Variants in NTRK3 observed in about 807,000 individuals in gnomAD.
NTRK3 encodes neurotrophic receptor tyrosine kinase 3.
NTRK3 carries 24 observed loss-of-function variants against 91.7 expected under a neutral mutation model. The observed-to-expected ratio is 0.26, with a 90% CI of 0.19 to 0.37. The LOEUF (loss-of-function observed/expected upper bound fraction) is 0.37. NTRK3 is among the 10% of genes least tolerant of loss of function. The pLI is 1.00. For missense variants in NTRK3, 880 were observed against 1,068.9 expected (o/e 0.82, Z 2.46); for synonymous variants, 483 against 404.0 (o/e 1.20, Z -2.34).
At chr15:88,195,783 G>A (rs1262799168) in intron 3 of NTRK3, among the ~76,000 whole-genome samples, 1 of 152,212 alleles carries the variant, frequency 6.6e-6, no homozygotes, top group Non-Finnish European at 1.5e-5. Flanking sequence ...GGTCTTGGGG[G>A]GAAAAGCCTG....
intron 14 of NTRK3, among the ~76,000 whole-genome samples, chr15:87,983,501 T>C (rs1227783348): frequency 6.6e-6 from 1 of 152,196 alleles, no homozygotes; most frequent in African/African-American, 2.4e-5. Context: ...CATAGATCTA[T>C]ATAAGGGAGT....
chr15:88,006,342 T>C (rs1018091076), intron 14 of NTRK3, among the ~76,000 whole-genome samples: 2 of 152,208 alleles, frequency 1.3e-5, no homozygotes, highest in African/African-American at 4.8e-5. Flanking sequence ...ACGTCTCAGG[T>C]GTCTTTCCAG....
At chr15:87,919,761 A>T (rs1465176263) in intron 17 of NTRK3, among the ~76,000 whole-genome samples, 1 of 152,218 alleles carries the variant, frequency 6.6e-6, no homozygotes, top group African/African-American at 2.4e-5. Flanking sequence ...AACTTCAGTC[A>T]CTAAACTAGA....
chr15:88,131,525 A>T (rs1274232616), intron 10 of NTRK3, among the ~76,000 whole-genome samples: 1 of 152,196 alleles, frequency 6.6e-6, no homozygotes, highest in Non-Finnish European at 1.5e-5. Flanking sequence ...ACAGCAGGTG[A>T]CCAGAAGCCT....
At chr15:88,187,579 G>A (rs868523493) in intron 3 of NTRK3, among the ~76,000 whole-genome samples, 4 of 152,156 alleles carry the variant, frequency 2.6e-5, no homozygotes, top group African/African-American at 9.7e-5. Context: ...AACCCAGAAC[G>A]ATTACACGTG....
At chr15:88,103,751 G>T (rs2050412083) in intron 13 of NTRK3, among the ~76,000 whole-genome samples, 1 of 152,038 alleles carries the variant, frequency 6.6e-6, no homozygotes, top group Admixed American at 6.6e-5. Flanking sequence ...AGGGGTTAAG[G>T]CATATGGAAA....
chr15:88,112,605 G>C (rs1011101720), intron 13 of NTRK3, among the ~76,000 whole-genome samples: 1 of 152,196 alleles, frequency 6.6e-6, no homozygotes, highest in Non-Finnish European at 1.5e-5. Flanking sequence ...GCTTTAAGCA[G>C]GGTGAATGTT....
chr15:88,027,141 T>G (rs1313605439), intron 14 of NTRK3, among the ~76,000 whole-genome samples: 1 of 151,924 alleles, frequency 6.6e-6, no homozygotes, highest in African/African-American at 2.4e-5. Flanking sequence ...AGGGGAGGGA[T>G]GGATGCTGGA....
At chr15:88,159,811 G>A (rs2044266675) in intron 5 of NTRK3, among the ~76,000 whole-genome samples, 1 of 151,996 alleles carries the variant, frequency 6.6e-6, no homozygotes, top group Non-Finnish European at 1.5e-5. Flanking sequence ...CCCCTGGCTG[G>A]TCCAGGGCAG....
rs1311571664 is a variant in NTRK3 at position 87,928,790 on chromosome 15, T to C, written c.2133+401A>G. On this transcript the variant is annotated intron_variant, in intron 17 of 18. Transcript: ENST00000394480. ...TAATTTCAGAGAATAAAATGTGTCA[T>C]GGGTGAGGCTAGATCTGGGACTGGG... 6 of 295,152 alleles carry C rather than the reference T, an allele frequency of 2.0e-5. No homozygotes were observed. In the Admixed American group the frequency reaches 2.3e-4, roughly 12 times the overall value. The allele number at this position is 295,152 out of a possible 1,614,324, so 18.3% of individuals were successfully genotyped here.
chr15:88,133,690 G>A (rs779829723), intron 10 of NTRK3, among the ~76,000 whole-genome samples: 1 of 152,178 alleles, frequency 6.6e-6, no homozygotes, highest in Non-Finnish European at 1.5e-5. Context: ...TTCTTCCACT[G>A]TGCAGGCCAG....
intron 3 of NTRK3, among the ~76,000 whole-genome samples, chr15:88,229,668 C>A (rs1290320093): frequency 6.6e-6 from 1 of 152,186 alleles, no homozygotes; most frequent in Non-Finnish European, 1.5e-5. Context: ...TCCCTGAGGT[C>A]CTGCCCTGGT....
chr15:88,102,651 A>G (rs759547308), intron 13 of NTRK3, among the ~76,000 whole-genome samples: 5 of 152,220 alleles, frequency 3.3e-5, no homozygotes, highest in Non-Finnish European at 5.9e-5. Context: ...TATATCCATG[A>G]TAATTAAAAA....
intron 14 of NTRK3, among the ~76,000 whole-genome samples, chr15:88,018,704 T>C (rs920864295): frequency 2.6e-5 from 4 of 152,144 alleles, no homozygotes; most frequent in African/African-American, 9.7e-5. Flanking sequence ...TTTCCTCACC[T>C]ACAAAATGGG....
At chr15:87,871,414 A>G (rs1162985171) in exon 19 of NTRK3, 7 of 230,656 alleles carry the variant, frequency 3.0e-5, no homozygotes, top group Non-Finnish European at 5.1e-5. Flanking sequence ...TGCCTTTCAG[A>G]AAGAGCAATC....
intron 14 of NTRK3, among the ~76,000 whole-genome samples, chr15:88,020,056 A>T (rs1276558490): frequency 6.6e-6 from 1 of 152,246 alleles, no homozygotes; most frequent in Non-Finnish European, 1.5e-5. Context: ...AAGCAGACAG[A>T]CATTGAAGCC....
intron 14 of NTRK3, among the ~76,000 whole-genome samples, chr15:87,987,416 C>A (rs545917359): frequency 6.6e-6 from 1 of 152,094 alleles, no homozygotes; most frequent in South Asian, 2.1e-4. Context: ...TAAGGGTTTC[C>A]CCAATTAAGG....
At chr15:88,091,715 G>T (rs927135039) in intron 13 of NTRK3, among the ~76,000 whole-genome samples, 1 of 152,216 alleles carries the variant, frequency 6.6e-6, no homozygotes. Flanking sequence ...GGACACAAGG[G>T]TGGGAGATGA....
chr15:87,885,508 C>G (rs2065485753), intron 17 of NTRK3, among the ~76,000 whole-genome samples, 186 bp downstream of exon 18: 1 of 151,834 alleles, frequency 6.6e-6, no homozygotes, highest in African/African-American at 2.4e-5. Flanking sequence ...AGCATTTTAT[C>G]AAACTATGTA....
Sources: allele counts gnomAD v4.1 joint callset (sites outside exome capture counted in the v4.1 genomes callset), GRCh38; gene constraint gnomAD v4.1.1; transcripts MANE v1.5; gene names NCBI Gene and HGNC (gene_info 2026-07-23, HGNC 2026-07-21).